LCT: variants seen among roughly 807,000 people sequenced by gnomAD.
LCT encodes the protein lactase.
Under a neutral mutation model 173.0 loss-of-function variants are expected in LCT, and 90 were observed. The observed-to-expected ratio is 0.52, with a 90% CI of 0.44 to 0.62. LCT has a LOEUF of 0.62. LCT is among the 20% of genes least tolerant of loss of function. LCT has a pLI of 0.00. For synonymous variants in LCT, 853 were observed against 957.6 expected (o/e 0.89, Z 2.02); for missense variants, 1,864 against 2,431.4 (o/e 0.77, Z 4.91).
At chr2:135,793,837 G>A (rs2077553406) in intron 14 of LCT, among the ~76,000 whole-genome samples, 1 of 152,178 alleles carries the variant, frequency 6.6e-6, no homozygotes, top group African/African-American at 2.4e-5. Flanking sequence ...GGGAGGCCAA[G>A]GCAAGGGGAT....
chr2:135,795,648 A>G (rs1237550881), intron 13 of LCT, among the ~76,000 whole-genome samples: 3 of 150,724 alleles, frequency 2.0e-5, no homozygotes, highest in African/African-American at 7.3e-5. Context: ...TAGCTTCAAG[A>G]TCTTCAAAGT....
chr2:135,823,824 C>G, intron 4 of LCT, 77 bp downstream of exon 4: 1 of 990,228 alleles, frequency 1.0e-6, no homozygotes, highest in Non-Finnish European at 1.6e-6. Context: ...ATTGGAACCC[C>G]GGACTTTCAA....
chr2:135,803,048 G>A (rs150185628), intron 11 of LCT, among the ~76,000 whole-genome samples: 122 of 152,248 alleles, frequency 8.0e-4, no homozygotes, highest in African/African-American at 2.8e-3. Context: ...GGAGGTGGAG[G>A]TTGCAGTGAG....
At chr2:135,802,749 G>T (rs1212557875) in intron 11 of LCT, among the ~76,000 whole-genome samples, 2 of 152,158 alleles carry the variant, frequency 1.3e-5, no homozygotes, top group South Asian at 2.1e-4. Flanking sequence ...TTGGTTAACG[G>T]ATACAAAGTT....
At chr2:135,830,984 C>T (rs191196071) in intron 2 of LCT, among the ~76,000 whole-genome samples, 1 of 152,364 alleles carries the variant, frequency 6.6e-6, no homozygotes, top group African/African-American at 2.4e-5. Flanking sequence ...AAGAAGCCCA[C>T]ACCAGTGGTT....
intron 5 of LCT, among the ~76,000 whole-genome samples, chr2:135,819,788 G>A (rs1477524819): frequency 2.0e-5 from 3 of 152,184 alleles, no homozygotes; most frequent in African/African-American, 7.2e-5. Flanking sequence ...TATCCACGGT[G>A]CCCATAAACA....
In LCT at chr2:135,808,800, TG is replaced by T; in HGVS notation, c.3546del (p.Thr1183ProfsTer39). On this transcript the variant is annotated frameshift_variant, in exon 8 of 17. Transcript: ENST00000264162. LOFTEE classifies it high-confidence loss of function. ...TCAGTGAAGCTTGGCAGGCGGGAGG[TG>T]GCTAAGTGCTGCAGTTCACTCCTGT... ...VGNRSELQHL[A>X]TSRLPSFTEE... is the part of the protein sequence containing the mutation. The T allele has an allele frequency of 6.2e-7, 1 of 1,613,082 alleles. No homozygotes were observed. The highest frequency in any genetic ancestry group is 8.5e-7 in the Non-Finnish European group (1 of 1,179,380).
chr2:135,806,179 G>T (rs1035681508), intron 9 of LCT, among the ~76,000 whole-genome samples: 16 of 152,028 alleles, frequency 1.1e-4, no homozygotes, highest in Admixed American at 1.3e-4. Context: ...ATAGAGATAG[G>T]GTTTTGCCAT....
At chr2:135,824,147 C>T in intron 3 of LCT, 144 bp from the exon 4 acceptor site, 2 of 693,982 alleles carry the variant, frequency 2.9e-6, no homozygotes, top group Non-Finnish European at 5.3e-6. Flanking sequence ...TTAAAGGAGT[C>T]AACTCTAGAC....
rs1255420873 is a variant in LCT at position 135,812,695 on chromosome 2, A to G, written c.1969T>C (p.Ser657Pro). ...TQIQQMNRQC[S>P]HPVAQLPEFT... is the part of the protein sequence containing the mutation. Reference sequence around the variant, plus strand: ...TCGGGGAGTTGAGCCACAGGATGGGAGCACTGTCTGTTCATCTGTTGGATC... The same window carrying G: ...TCGGGGAGTTGAGCCACAGGATGGGGGCACTGTCTGTTCATCTGTTGGATC... The change falls in exon 7 of 17, where the codon TCC becomes CCC. Residue 657 changes from serine to proline, a missense_variant. Coordinates refer to ENST00000264162, the MANE Select transcript of LCT (RefSeq NM_002299.4). The G allele has an allele frequency of 1.2e-6, 2 of 1,614,166 alleles. No individual in the cohort carries two copies. The highest frequency in any genetic ancestry group is 1.7e-6 in the Non-Finnish European group (2 of 1,180,034).
At chr2:135,804,575 T>C (rs1229655666) in intron 10 of LCT, among the ~76,000 whole-genome samples, 192 bp downstream of exon 10, 10 of 152,120 alleles carry the variant, frequency 6.6e-5, no homozygotes, top group Admixed American at 6.5e-4. Context: ...CCAGCTACTC[T>C]GGAGGCTGAG....
At chr2:135,789,932 C>A in intron 15 of LCT, 134 bp from the exon 16 acceptor site, 1 of 759,886 alleles carries the variant, frequency 1.3e-6, no homozygotes, top group Non-Finnish European at 2.4e-6. Context: ...GGCTTTAGCT[C>A]TGTGAGAAAG....
At chr2:135,823,283 T>G (rs914450426) in intron 4 of LCT, among the ~76,000 whole-genome samples, 1 of 152,180 alleles carries the variant, frequency 6.6e-6, no homozygotes, top group African/African-American at 2.4e-5. Context: ...CTCCAGTGAC[T>G]GCCAGCCTCA....
chr2:135,799,297 A>G (rs1236291727), intron 12 of LCT, among the ~76,000 whole-genome samples: 2 of 152,098 alleles, frequency 1.3e-5, no homozygotes, highest in African/African-American at 2.4e-5. Context: ...GTGGGAACCA[A>G]TCCAGAGAGA....
chr2:135,836,493 T>G, intron 1 of LCT, 37 bp downstream of exon 1: 2 of 1,603,826 alleles, frequency 1.2e-6, no homozygotes, highest in Non-Finnish European at 1.7e-6. Flanking sequence ...GTGATGAAGG[T>G]TGCCGAGGGG....
chr2:135,830,416 C>T (rs765972995), intron 2 of LCT, among the ~76,000 whole-genome samples: 4 of 152,148 alleles, frequency 2.6e-5, no homozygotes, highest in South Asian at 2.1e-4. Flanking sequence ...CCTGGCTGGC[C>T]GTACCTGTCT....
At chr2:135,811,866 G>A (rs567956774) in intron 7 of LCT, among the ~76,000 whole-genome samples, 165 of 151,772 alleles carry the variant, frequency 1.1e-3, no homozygotes, top group Non-Finnish European at 1.8e-3. Context: ...AAGACTGTTT[G>A]AGCCCAGGAG....
intron 16 of LCT, among the ~76,000 whole-genome samples, chr2:135,789,159 A>C (rs971879378): frequency 6.6e-6 from 1 of 152,226 alleles, no homozygotes; most frequent in Non-Finnish European, 1.5e-5. Context: ...TGTCATTTAC[A>C]TTTGTGTAGT....
chr2:135,794,964 C>T (rs1443431177), intron 13 of LCT, among the ~76,000 whole-genome samples, 189 bp from the exon 14 acceptor site: 1 of 152,074 alleles, frequency 6.6e-6, no homozygotes, highest in Admixed American at 6.5e-5. Context: ...CCAGCCAGAC[C>T]ATAAACCTGG....
Sources: gnomAD v4.1 joint callset for allele counts (sites outside exome capture counted in the v4.1 genomes callset) on GRCh38, gnomAD v4.1.1 for gene constraint, MANE v1.5 for transcripts, NCBI Gene and HGNC (gene_info 2026-07-23, HGNC 2026-07-21) for gene names.